SARS1: variants seen among roughly 807,000 people sequenced by gnomAD.
SARS1 encodes seryl-tRNA synthetase 1, also known as serine--tRNA ligase, cytoplasmic.
In SARS1, 25 loss-of-function variants were observed where a neutral mutation model predicts 63.7. The ratio of observed to expected loss-of-function variants is 0.39; its 90% confidence interval spans 0.29 to 0.55. SARS1 has a LOEUF of 0.55. SARS1 is among the 20% of genes least tolerant of loss of function. The pLI, the probability that SARS1 is intolerant of heterozygous loss-of-function variation, is 0.62. For synonymous variants in SARS1, 231 were observed against 243.5 expected, an observed-to-expected ratio of 0.95 and a Z score of 0.48; for missense variants, 417 against 649.7, an observed-to-expected ratio of 0.64 and a Z score of 3.89.
At chr1:109,222,375 G>A (rs895954349) in intron 1 of SARS1, among the ~76,000 whole-genome samples, 1 of 151,778 alleles carries the variant, frequency 6.6e-6, no homozygotes, top group African/African-American at 2.4e-5. Context: ...TGCCAGTTTT[G>A]CACACATGTG....
intron 3 of SARS1, among the ~76,000 whole-genome samples, chr1:109,229,050 C>T (rs1655149239): frequency 6.6e-6 from 1 of 152,194 alleles, no homozygotes; most frequent in Admixed American, 6.5e-5. Context: ...GAATGCAGCA[C>T]ATCAATGGAG....
intron 1 of SARS1, among the ~76,000 whole-genome samples, chr1:109,221,737 CAATG>C (rs1315980171): frequency 6.6e-6 from 1 of 151,918 alleles, no homozygotes; most frequent in Non-Finnish European, 1.5e-5. Flanking sequence ...AAATTAAAAA[CAATG>C]AAGGGATATA....
intron 1 of SARS1, among the ~76,000 whole-genome samples, chr1:109,221,261 A>G (rs1178894915): frequency 1.3e-5 from 2 of 152,088 alleles, no homozygotes; most frequent in Non-Finnish European, 2.9e-5. Flanking sequence ...GGATTTCACC[A>G]TGTTGGCCAG....
intron 4 of SARS1, among the ~76,000 whole-genome samples, chr1:109,230,534 C>T (rs1251728167): frequency 1.3e-5 from 2 of 152,142 alleles, no homozygotes; most frequent in African/African-American, 4.8e-5. Context: ...AAGCTTGGCG[C>T]GGTGGCTCAC....
At chr1:109,230,410 C>T (rs1396390793) in intron 4 of SARS1, among the ~76,000 whole-genome samples, 2 of 152,120 alleles carry the variant, frequency 1.3e-5, no homozygotes, top group Non-Finnish European at 2.9e-5. Context: ...AAGTTGCCTT[C>T]TCTAGTTATG....
intron 4 of SARS1, among the ~76,000 whole-genome samples, chr1:109,230,291 A>C (rs938038787): frequency 2.0e-5 from 3 of 152,264 alleles, no homozygotes; most frequent in East Asian, 3.9e-4. Context: ...AATAAACAAA[A>C]AAAACCCCCG....
At chr1:109,228,030 C>A (rs966343618) in intron 2 of SARS1, among the ~76,000 whole-genome samples, 1 of 151,832 alleles carries the variant, frequency 6.6e-6, no homozygotes, top group East Asian at 1.9e-4. Flanking sequence ...CGAATAAATT[C>A]TCTTCTGATT....
rs1316867154 is a variant in SARS1, at chr1:109,224,905, G to A, written c.207+857G>A. ...GAGCTCAGGAGTTCAAGACTAGTCT[G>A]CACAACATGGTGAAACCCCATCTCT... On this transcript the variant is annotated intron_variant, in intron 2 of 10. Transcript: ENST00000234677. Among the ~76,000 whole-genome samples the A allele has an allele frequency of 3.9e-5, 6 of 152,080 alleles. No individual in the cohort carries two copies. The East Asian group carries it at 9.6e-4, about 24-fold the overall frequency.
At chr1:109,221,985 TATATATATATATATATATATATATA>T (rs1172763416) in intron 1 of SARS1, among the ~76,000 whole-genome samples, 37 of 7,636 alleles carry the variant, frequency 4.8e-3, no homozygotes, top group African/African-American at 0.013. Context: ...TATATATATA[TATATATATATATATATATATATATA>T]TTTTTTTTTT....
In SARS1 at chr1:109,236,375, G is replaced by A; in HGVS notation, c.1100-16G>A. On this transcript the variant is annotated splice_polypyrimidine_tract_variant and intron_variant, in intron 8 of 10. Transcript: ENST00000234677. ...ACCATCCCTCCTTCATGAATTCTAG[G>A]GGTTTTTCCTTACAGGTTCTTTGAA... is the stretch of plus-strand genomic sequence containing the variant. The A allele has an allele frequency of 6.3e-7, 1 of 1,582,094 alleles. No individual in the cohort carries two copies.
At chr1:109,223,760 C>T (rs1046154205) in intron 1 of SARS1, among the ~76,000 whole-genome samples, 1 of 152,162 alleles carries the variant, frequency 6.6e-6, no homozygotes, top group African/African-American at 2.4e-5. Flanking sequence ...GCCGAGATTG[C>T]ACCATTACAC....
chr1:109,215,142 T>C (rs562758342), intron 1 of SARS1: 1 of 985,468 alleles, frequency 1.0e-6, no homozygotes. Flanking sequence ...AAAGAATATT[T>C]GTTTAACTTG....
intron 6 of SARS1, among the ~76,000 whole-genome samples, chr1:109,234,167 T>A (rs764496384): frequency 2.7e-5 from 4 of 149,778 alleles, no homozygotes; most frequent in Non-Finnish European, 5.9e-5. Context: ...GCATGAGCCA[T>A]TACGCCTGGC....
At position 109,237,398 on chromosome 1, in the gene SARS1, G is replaced by C. The variant is rs751902075; in HGVS notation, c.1387+25G>C. 18 of 1,613,972 alleles carry C rather than the reference G, an allele frequency of 1.1e-5. No individual in the cohort carries two copies. Among genetic ancestry groups the C allele is most frequent in the Non-Finnish European group, 1.4e-5 (17 of 1,180,002 alleles). On this transcript the variant is annotated intron_variant, in intron 10 of 10. Coordinates refer to ENST00000234677, the MANE Select transcript of SARS1 (RefSeq NM_006513.4). This position sits in a 1 kb window ranked among gnomAD's most constrained non-coding sequence, Gnocchi z 4.1. ...GGTAAAACTCCCAGCTCATCTCATC[G>C]TTCTCCTCTTTTCTGTCTTCACACT... is the stretch of plus-strand genomic sequence containing the variant.
chr1:109,227,115 C>G (rs1277249161), intron 2 of SARS1, among the ~76,000 whole-genome samples: 1 of 151,516 alleles, frequency 6.6e-6, no homozygotes, highest in African/African-American at 2.4e-5. Context: ...CTGCTTCAGC[C>G]TCCCGAGTAG....
At chr1:109,217,587 G>A (rs868355575) in intron 1 of SARS1, among the ~76,000 whole-genome samples, 4 of 150,802 alleles carry the variant, frequency 2.7e-5, no homozygotes, top group South Asian at 2.1e-4. Flanking sequence ...TTTAGACAGC[G>A]TCTTGTTCTG....
At chr1:109,222,574 A>G in intron 1 of SARS1, among the ~76,000 whole-genome samples, 1 of 152,248 alleles carries the variant, frequency 6.6e-6, no homozygotes, top group Non-Finnish European at 1.5e-5. Flanking sequence ...ATCAATGTGA[A>G]TAAGTGAATG....
intron 2 of SARS1, among the ~76,000 whole-genome samples, chr1:109,225,582 C>T (rs1237880394): frequency 1.3e-5 from 2 of 152,190 alleles, no homozygotes; most frequent in Non-Finnish European, 2.9e-5. Flanking sequence ...GGAGTGTTCA[C>T]TCCCACTGCC....
rs76909709 is a variant in SARS1, at chr1:109,225,061, C to T, written c.207+1013C>T. 6.7e-3 allele frequency among the ~76,000 whole-genome samples: 1,023 copies of T among 152,244 alleles called. 13 individuals are homozygous for T. The highest frequency in any genetic ancestry group is 0.022 in the African/African-American group (932 of 41,546). On this transcript the variant is annotated intron_variant, in intron 2 of 10. Transcript: ENST00000234677. ...CAAAAGTTGCAGTGAGCCAAGATTG[C>T]GCTACTGAGCTCCATCCAGCCTGGG...
Sources: gnomAD v4.1 joint callset for allele counts (sites outside exome capture counted in the v4.1 genomes callset) on GRCh38, gnomAD v4.1.1 for gene constraint, Gnocchi (gnomAD v3.1) non-coding constraint, MANE v1.5 for transcripts, NCBI Gene and HGNC (gene_info 2026-07-23, HGNC 2026-07-21) for gene names.